MIAT: variants seen among roughly 807,000 people sequenced by gnomAD.
MIAT encodes MI related novel mRNA.
At chr22:26,651,582 C>T (rs932198501) in intron 2 of MIAT, among the ~76,000 whole-genome samples, 1 of 152,232 alleles carries the variant, frequency 6.6e-6, no homozygotes, top group East Asian at 1.9e-4. Context: ...CAAACAAATA[C>T]TTGCACATGC....
chr22:26,657,227 G>A (rs1341427950), intron 2 of MIAT: 2 of 324,586 alleles, frequency 6.2e-6, no homozygotes, highest in East Asian at 9.5e-5. Context: ...TGCCATGACA[G>A]CGCCGCGGGT....
chr22:26,672,746 C>T, downstream of MIAT: 2 of 398,998 alleles, frequency 5.0e-6, no homozygotes, highest in Non-Finnish European at 8.8e-6. Context: ...CACCGGAAGT[C>T]AGAAAGCGGA....
chr22:26,650,020 C>T (rs978037933), intron 2 of MIAT, among the ~76,000 whole-genome samples: 4 of 152,192 alleles, frequency 2.6e-5, no homozygotes, highest in South Asian at 4.1e-4. Context: ...GAGTTCTAGT[C>T]GCTAACAACT....
chr22:26,665,461 A>G (rs1040027589), intron 3 of MIAT: 1 of 398,626 alleles, frequency 2.5e-6, no homozygotes, highest in Non-Finnish European at 4.4e-6. Flanking sequence ...CTCTAGGTCC[A>G]CAGAACGAGG....
chr22:26,668,899 G>C (rs1453367412), exon 6 of MIAT: 8 of 398,574 alleles, frequency 2.0e-5, no homozygotes, highest in Non-Finnish European at 8.8e-6. Flanking sequence ...CCTGAAAAGA[G>C]AGGGTCTTTA....
exon 2 of MIAT, chr22:26,647,272 C>A: frequency 7.5e-6 from 3 of 398,036 alleles, no homozygotes; most frequent in Non-Finnish European, 1.3e-5. Flanking sequence ...GGTAGCACAC[C>A]CTTCACCGTG....
chr22:26,672,668 G>T (rs1931092709), downstream of MIAT: 1 of 399,094 alleles, frequency 2.5e-6, no homozygotes, highest in East Asian at 3.6e-5. Context: ...CACGAGGGGG[G>T]CGTATCCCAC....
exon 2 of MIAT, chr22:26,647,284 C>A: frequency 2.5e-6 from 1 of 393,798 alleles, no homozygotes; most frequent in Non-Finnish European, 4.5e-6. Context: ...TTCACCGTGC[C>A]CTGGAGATGC....
intron 2 of MIAT, among the ~76,000 whole-genome samples, chr22:26,648,248 G>C (rs935822830): frequency 6.6e-6 from 1 of 152,154 alleles, no homozygotes; most frequent in African/African-American, 2.4e-5. Context: ...GTCTGGAGGG[G>C]GTCTGTTTGC....
downstream of MIAT, chr22:26,673,247 C>T: frequency 2.5e-6 from 1 of 398,870 alleles, no homozygotes; most frequent in Non-Finnish European, 4.4e-6. Flanking sequence ...CCTCAGCCAG[C>T]CTCCCCCAGA....
intron 2 of MIAT, among the ~76,000 whole-genome samples, chr22:26,648,872 A>T (rs2145996584): frequency 6.6e-6 from 1 of 151,878 alleles, no homozygotes; most frequent in South Asian, 2.1e-4. Flanking sequence ...GGGAGTCTCT[A>T]ATGGCCTTGA....
chr22:26,675,747 A>G (rs979932149), exon 5 of MIAT: 16 of 398,550 alleles, frequency 4.0e-5, no homozygotes. Flanking sequence ...CTATAAGATA[A>G]TTCCATTGGG....
At chr22:26,664,211 C>T (rs927722618) in intron 3 of MIAT, among the ~76,000 whole-genome samples, 5 of 151,974 alleles carry the variant, frequency 3.3e-5, no homozygotes, top group African/African-American at 7.3e-5. Flanking sequence ...GGGGCTTTGC[C>T]GTGTTGGCCA....
intron 2 of MIAT, among the ~76,000 whole-genome samples, chr22:26,655,580 T>C (rs1240648803): frequency 2.0e-5 from 3 of 152,234 alleles, no homozygotes; most frequent in African/African-American, 7.2e-5. Context: ...TCCATTATTA[T>C]CTCTACTTTA....
chr22:26,654,523 T>C (rs1025455330), intron 2 of MIAT, among the ~76,000 whole-genome samples: 2 of 152,104 alleles, frequency 1.3e-5, no homozygotes, highest in African/African-American at 4.8e-5. Flanking sequence ...ATTTCCCTTT[T>C]TGTTTGTGTC....
At chr22:26,675,284 G>A (rs1931219484) in exon 5 of MIAT, 1 of 398,786 alleles carries the variant, frequency 2.5e-6, no homozygotes. Context: ...GATCCAAAGA[G>A]GTTCTGGAAG....
chr22:26,657,989 T>C (rs1453509763), intron 2 of MIAT, among the ~76,000 whole-genome samples: 1 of 142,548 alleles, frequency 7.0e-6, no homozygotes, highest in Non-Finnish European at 1.5e-5. Context: ...AAGACACAAT[T>C]TGGGAGGTGG....
chr22:26,656,578 A>C (rs1022287311), intron 2 of MIAT, among the ~76,000 whole-genome samples: 5 of 152,072 alleles, frequency 3.3e-5, no homozygotes, highest in Admixed American at 6.5e-5. Flanking sequence ...TTGGCCTCCC[A>C]AAGTGCTGGG....
intron 3 of MIAT, among the ~76,000 whole-genome samples, chr22:26,664,592 G>A (rs1930779774): frequency 6.6e-6 from 1 of 152,132 alleles, no homozygotes; most frequent in African/African-American, 2.4e-5. Flanking sequence ...TTGTATAAAT[G>A]AGATCATACA....
Sources: gnomAD v4.1 joint callset for allele counts (sites outside exome capture counted in the v4.1 genomes callset) on GRCh38, gnomAD v4.1.1 for gene constraint, MANE v1.5 for transcripts, NCBI Gene and HGNC (gene_info 2026-07-23, HGNC 2026-07-21) for gene names.